The following OSBPL6 variants were observed in gnomAD, a reference collection of about 807,000 sequenced individuals.
OSBPL6 encodes oxysterol binding protein like 6, also known as oxysterol-binding protein-related protein 6.
A neutral mutation model predicts 125.8 loss-of-function variants in OSBPL6; 49 were observed. The ratio of observed to expected loss-of-function variants is 0.39; its 90% CI spans 0.31 to 0.49. The LOEUF (loss-of-function observed/expected upper bound fraction) is 0.49. OSBPL6 is among the 20% of genes least tolerant of loss of function. The pLI is 0.88. For missense variants in OSBPL6, 986 were observed against 1,135.4 expected (o/e 0.87, Z 1.89); for synonymous variants, 394 against 391.8 (o/e 1.01, Z -0.07).
At chr2:178,325,535 A>G (rs1266377392) in intron 4 of OSBPL6, among the ~76,000 whole-genome samples, 4 of 152,236 alleles carry the variant, frequency 2.6e-5, no homozygotes, top group Non-Finnish European at 5.9e-5. Context: ...TGGTAAATAT[A>G]ATATGACTAG....
intron 3 of OSBPL6, among the ~76,000 whole-genome samples, chr2:178,311,153 C>A (rs185254696): frequency 6.6e-6 from 1 of 152,342 alleles, no homozygotes; most frequent in African/African-American, 2.4e-5. Flanking sequence ...GCCTGGCCCT[C>A]TGAGCGCATA....
rs1043292927 is a variant in OSBPL6, at chr2:178,402,641, T to C, written c.*7082T>C. 1.3e-5 allele frequency: 2 copies of C among 152,268 alleles called. No homozygotes were observed. Among genetic ancestry groups the C allele is most frequent in the Admixed American group, 6.5e-5 (1 of 15,286 alleles). 9.4% of individuals were successfully genotyped at this position (152,268 alleles called of 1,614,324 possible). ...TTAGAAGGTATGAAGACAGTAGTTA[T>C]GTACTGTTCGTTTGCATACGGTCAT... On this transcript the variant is annotated 3_prime_UTR_variant, in exon 25 of 25. Coordinates refer to ENST00000190611, the MANE Select transcript of OSBPL6 (RefSeq NM_032523.4).
rs768023678 is a variant in OSBPL6, at chr2:178,332,918, T to C, written c.534T>C (p.His178=). The C allele has an allele frequency of 1.2e-6, 2 of 1,613,984 alleles. No individual in the cohort carries two copies. The highest frequency in any genetic ancestry group is 2.7e-5 in the African/African-American group (2 of 74,942). The change falls in exon 8 of 25, where the codon CAT becomes CAC. Residue 178 remains histidine, a synonymous_variant. Coordinates refer to ENST00000190611, the MANE Select transcript of OSBPL6 (RefSeq NM_032523.4). ...WFDAWVSKLR[H]HRLYRQNEIV... ...ATGCATGGGTCTCCAAACTGCGACA[T>C]CATCGGTTGTATCGTCAGAATGAAA...
chr2:178,395,033 G>C (rs1695728846), intron 24 of OSBPL6, among the ~76,000 whole-genome samples: 1 of 152,134 alleles, frequency 6.6e-6, no homozygotes, highest in South Asian at 2.1e-4. Flanking sequence ...TTGCCCTTCA[G>C]ATGTCTAAAA....
chr2:178,234,394 C>T (rs1196745593), intron 1 of OSBPL6, among the ~76,000 whole-genome samples: 1 of 151,832 alleles, frequency 6.6e-6, no homozygotes, highest in Non-Finnish European at 1.5e-5. Context: ...CGGCTTGTTA[C>T]CAGTGAGAGA....
At chr2:178,379,341 AG>A in intron 15 of OSBPL6, among the ~76,000 whole-genome samples, 1 of 88,060 alleles carries the variant, frequency 1.1e-5, no homozygotes, top group Non-Finnish European at 2.1e-5. Context: ...GAAGGGAGGG[AG>A]GGAGGGAGGG....
intron 1 of OSBPL6, among the ~76,000 whole-genome samples, chr2:178,210,773 C>T (rs1277994135): frequency 6.6e-6 from 1 of 151,436 alleles, no homozygotes; most frequent in Non-Finnish European, 1.5e-5. Context: ...GATTGCCCCA[C>T]TGCACTCCAG....
At chr2:178,365,202 T>A (rs769296199) in intron 13 of OSBPL6, among the ~76,000 whole-genome samples, 1 of 151,976 alleles carries the variant, frequency 6.6e-6, no homozygotes, top group African/African-American at 2.4e-5. Flanking sequence ...AAAAACTTAT[T>A]TAAGTAGTCT....
chr2:178,280,117 G>C (rs957465827), intron 1 of OSBPL6, among the ~76,000 whole-genome samples: 1 of 152,120 alleles, frequency 6.6e-6, no homozygotes, highest in African/African-American at 2.4e-5. Context: ...ATAATTGCTT[G>C]AACCTGGGAG....
intron 2 of OSBPL6, among the ~76,000 whole-genome samples, chr2:178,288,419 T>G (rs1684913019): frequency 6.6e-6 from 1 of 152,218 alleles, no homozygotes; most frequent in African/African-American, 2.4e-5. Context: ...AGGCCAGCTC[T>G]CGCCTGTGCA....
intron 1 of OSBPL6, among the ~76,000 whole-genome samples, chr2:178,274,299 C>T (rs1382890710): frequency 2.0e-5 from 3 of 148,902 alleles, no homozygotes; most frequent in Non-Finnish European, 1.5e-5. Flanking sequence ...CTTATGTGGG[C>T]GAGGTCAATT....
intron 1 of OSBPL6, among the ~76,000 whole-genome samples, chr2:178,248,608 A>G (rs2091576122): frequency 6.6e-6 from 1 of 152,210 alleles, no homozygotes; most frequent in African/African-American, 2.4e-5. Flanking sequence ...TCATGTATGC[A>G]AAAGTGTCTG....
At chr2:178,205,785 G>T (rs1260911816) in intron 1 of OSBPL6, among the ~76,000 whole-genome samples, 1 of 152,132 alleles carries the variant, frequency 6.6e-6, no homozygotes, top group Non-Finnish European at 1.5e-5. Flanking sequence ...TGATAGATTT[G>T]TATATTTCCA....
At position 178,389,679 on chromosome 2, in the gene OSBPL6, G is replaced by A. The variant is rs79058727; in HGVS notation, c.2301+526G>A. Among the ~76,000 whole-genome samples, 1,402 of 152,266 alleles carry A rather than the reference G, an allele frequency of 9.2e-3. 18 individuals carry two copies. The highest frequency in any genetic ancestry group is 0.028 in the African/African-American group (1,180 of 41,556). On this transcript the variant is annotated intron_variant, in intron 21 of 24. Transcript: ENST00000190611. ...ATTAGCCTCATTAACAAGAAAATAT[G>A]TTGGGATAGAAACGCCCAAAAAGCA... is the stretch of plus-strand genomic sequence containing the variant.
chr2:178,215,825 C>G (rs1290338827), intron 1 of OSBPL6, among the ~76,000 whole-genome samples: 1 of 151,990 alleles, frequency 6.6e-6, no homozygotes, highest in Non-Finnish European at 1.5e-5. Flanking sequence ...GTGTGTGGTA[C>G]TGGAGGAAAA....
chr2:178,214,546 C>T (rs139420720), intron 1 of OSBPL6, among the ~76,000 whole-genome samples: 21 of 152,282 alleles, frequency 1.4e-4, no homozygotes, highest in African/African-American at 4.6e-4. Context: ...AATTTCTTCC[C>T]GGGGAACTCG....
At chr2:178,234,316 A>C (rs2090958103) in intron 1 of OSBPL6, among the ~76,000 whole-genome samples, 1 of 152,182 alleles carries the variant, frequency 6.6e-6, no homozygotes, top group African/African-American at 2.4e-5. Flanking sequence ...ACAGGTTGTG[A>C]GTTGCCAACC....
At chr2:178,237,985 G>A (rs2091130812) in intron 1 of OSBPL6, among the ~76,000 whole-genome samples, 1 of 152,152 alleles carries the variant, frequency 6.6e-6, no homozygotes, top group Admixed American at 6.5e-5. Flanking sequence ...GCTCTGAGAG[G>A]TCTGCAGTGA....
At chr2:178,343,999 T>C (rs772491261) in intron 11 of OSBPL6, among the ~76,000 whole-genome samples, 10 of 152,194 alleles carry the variant, frequency 6.6e-5, no homozygotes, top group Non-Finnish European at 7.3e-5. Flanking sequence ...AGTATGCATA[T>C]TTATTTTACC....
Sources: gnomAD v4.1 joint callset for allele counts (sites outside exome capture counted in the v4.1 genomes callset) on GRCh38, gnomAD v4.1.1 for gene constraint, MANE v1.5 for transcripts, NCBI Gene and HGNC (gene_info 2026-07-23, HGNC 2026-07-21) for gene names.